The following UGT2B15 variants were observed in gnomAD, a reference collection of about 807,000 sequenced individuals.
UGT2B15 encodes the protein UDP-glucuronosyltransferase 2B15.
Under a neutral mutation model 45.9 loss-of-function variants are expected in UGT2B15, and 36 were observed. That is an observed-to-expected ratio of 0.78 (90% confidence interval 0.60 to 1.04). The LOEUF is 1.04. Among genes scored for constraint, UGT2B15 ranks in the 50% least tolerant of loss-of-function variants. The pLI is 0.00. For missense variants in UGT2B15, 617 were observed against 622.4 expected (o/e 0.99, Z 0.09); for synonymous variants, 219 against 216.4 (o/e 1.01, Z -0.11).
chr4:68,657,301 T>G (rs1005434146), intron 3 of UGT2B15, among the ~76,000 whole-genome samples: 22 of 152,154 alleles, frequency 1.4e-4, no homozygotes, highest in Non-Finnish European at 2.1e-4. Flanking sequence ...AAATTAACTT[T>G]TAAAAAAAGG....
intron 5 of UGT2B15, among the ~76,000 whole-genome samples, chr4:68,652,840 C>A (rs1404905240): frequency 4.0e-5 from 6 of 151,284 alleles, no homozygotes; most frequent in Admixed American, 6.6e-5. Context: ...TAGAAAAAGA[C>A]AAAATATTCA....
rs142948482 is a variant in UGT2B15, at chr4:68,655,149, T to A, written c.1039A>T (p.Thr347Ser). 935 of 1,613,402 alleles carry A rather than the reference T, an allele frequency of 5.8e-4. 3 individuals are homozygous for A. Among genetic ancestry groups the A allele is most frequent in the Non-Finnish European group, 7.2e-4 (845 of 1,179,578 alleles). The stretch of plus-strand genomic sequence containing the variant: ...TACAGTCGAGTATTGGAACCTAAAG[T>A]ATTTGGCTTCTTGCCATCAAATCTC... Reference protein sequence around the residue: ...LWRFDGKKPNTLGSNTRLYKW... With the variant: ...LWRFDGKKPNSLGSNTRLYKW... The change falls in exon 4 of 6, where the codon ACT becomes TCT. Residue 347 changes from threonine to serine, a missense_variant. By Grantham distance (58) the Thr-to-Ser change is moderately conservative. Transcript: ENST00000338206.
At chr4:68,656,365 C>T (rs1048474100) in intron 3 of UGT2B15, among the ~76,000 whole-genome samples, 2 of 150,100 alleles carry the variant, frequency 1.3e-5, no homozygotes, top group African/African-American at 4.9e-5. Flanking sequence ...CTTACCATTA[C>T]AGTGCTTAGT....
chr4:68,658,045 A>G (rs1299344275), intron 3 of UGT2B15, among the ~76,000 whole-genome samples: 1 of 152,082 alleles, frequency 6.6e-6, no homozygotes, highest in African/African-American at 2.4e-5. Context: ...TAATATGCAA[A>G]TGTAAGACTA....
At chr4:68,662,389 GTTT>G (rs563877748) in intron 3 of UGT2B15, among the ~76,000 whole-genome samples, 2 of 144,416 alleles carry the variant, frequency 1.4e-5, no homozygotes, top group African/African-American at 2.5e-5. Flanking sequence ...GAGCAGACAA[GTTT>G]TTTTTTTTTT....
In UGT2B15 at chr4:68,668,166, C is replaced by T; in HGVS notation, c.747G>A (p.Glu249=). ...GCCACATTTCAGCTTTCCCCATTGTCTCAAATAATGTAGTGGGTCTTCCTG... is the reference window on the plus strand; with the variant it reads ...GCCACATTTCAGCTTTCCCCATTGTTTCAAATAATGTAGTGGGTCTTCCTG... The part of the protein sequence containing the change: ...EVLGRPTTLF[E]TMGKAEMWLI... Residue 249 remains glutamate (E), a synonymous_variant, in exon 2 of 6, where the codon GAG becomes GAA. Coordinates refer to ENST00000338206, the MANE Select transcript of UGT2B15 (RefSeq NM_001076.4). 1 of 1,612,966 alleles carries T rather than the reference C, an allele frequency of 6.2e-7. No individual in the cohort carries two copies. The highest frequency in any genetic ancestry group is 8.5e-7 in the Non-Finnish European group (1 of 1,179,420).
In UGT2B15 at chr4:68,670,049, G is replaced by T; in HGVS notation, c.570C>A (p.Phe190Leu). 6.2e-7 allele frequency: 1 copy of T among 1,614,010 alleles called. No individual in the cohort carries two copies. Among genetic ancestry groups the T allele is most frequent in the African/African-American group, 1.3e-5 (1 of 75,020 alleles). ...TFEKNGGGFL[F>L]PPSYVPVVMS... is the part of the protein sequence containing the mutation. The stretch of plus-strand genomic sequence containing the variant: ...TAACAACAGGTACATAGGAAGGAGG[G>T]AACAGAAATCCTCCACCATTCTTCT... Residue 190 changes from phenylalanine (F) to leucine (L), a missense_variant, in exon 1 of 6, where the codon TTC (phenylalanine) becomes TTA (leucine). Phe to Leu is a conservative substitution (Grantham distance 22, BLOSUM62 0). Transcript: ENST00000338206.
Position 68,670,027 on chromosome 4 carries a change from C to G in UGT2B15, c.592G>C (p.Val198Leu). 1 of 1,613,996 alleles carries G rather than the reference C, an allele frequency of 6.2e-7. No homozygotes were observed. The highest frequency in any genetic ancestry group is 8.5e-7 in the Non-Finnish European group (1 of 1,179,968). ...ATTTGATCACTTAATTCTGACATAA[C>G]AACAGGTACATAGGAAGGAGGGAAC... ...FLFPPSYVPVVMSELSDQMIF... is the reference protein window; with the variant it reads ...FLFPPSYVPVLMSELSDQMIF... Residue 198 changes from valine (V) to leucine (L), a missense_variant, in exon 1 of 6, where the codon GTT becomes CTT. Transcript: ENST00000338206.
At chr4:68,666,492 CTT>C (rs988614760) in intron 2 of UGT2B15, among the ~76,000 whole-genome samples, 1 of 151,930 alleles carries the variant, frequency 6.6e-6, no homozygotes, top group Non-Finnish European at 1.5e-5. Context: ...GTGGTAACTA[CTT>C]TTTTTCCACA....
chr4:68,647,106 A>C lies in UGT2B15; in HGVS notation c.1591T>G (p.Ter531GluextTer9), dbSNP rs772536176. 1 of 1,612,386 alleles carries C rather than the reference A, an allele frequency of 6.2e-7. No individual in the cohort carries two copies. Among genetic ancestry groups the C allele is most frequent in the Non-Finnish European group, 8.5e-7 (1 of 1,178,874 alleles). The change falls in exon 6 of 6, where the codon TAG becomes GAG. Residue 531 changes from the stop codon to glutamate (E), a stop_lost. Coordinates refer to ENST00000338206, the MANE Select transcript of UGT2B15 (RefSeq NM_001076.4). ...AKKGKKKKRD[*>E] is the part of the protein sequence containing the mutation. ...TCCACTTCAGGCTTTTGATATAACTAATCTCTTTTCTTCTTCTTTCCTTTT... is the reference window on the plus strand; with the variant it reads ...TCCACTTCAGGCTTTTGATATAACTCATCTCTTTTCTTCTTCTTTCCTTTT...
intron 3 of UGT2B15, among the ~76,000 whole-genome samples, chr4:68,659,798 T>C (rs1230380021): frequency 1.3e-5 from 2 of 151,938 alleles, no homozygotes; most frequent in African/African-American, 4.8e-5. Context: ...AAGAAAAACT[T>C]TCAGGACTCA....
chr4:68,669,878 T>C lies in UGT2B15; in HGVS notation c.724+17A>G, dbSNP rs985281983. On this transcript the variant is annotated intron_variant, in intron 1 of 5. Transcript: ENST00000338206. ...AAAGTTAGAACTTAATAAGCACCAG[T>C]TAGACACATGACTTACCTAGAACTT... 4 of 1,590,206 alleles carry C rather than the reference T, an allele frequency of 2.5e-6. No individual in the cohort carries two copies. The African/African-American group carries it at 5.5e-5, about 22-fold the overall frequency.
chr4:68,653,232 A>G (rs1732706690), intron 5 of UGT2B15, among the ~76,000 whole-genome samples: 1 of 152,098 alleles, frequency 6.6e-6, no homozygotes, highest in Admixed American at 6.6e-5. Context: ...CCAAAATTGG[A>G]AAGACCTAAA....
At chr4:68,651,269 G>C (rs1301494784) in intron 5 of UGT2B15, among the ~76,000 whole-genome samples, 2 of 152,040 alleles carry the variant, frequency 1.3e-5, no homozygotes, top group Non-Finnish European at 2.9e-5. Context: ...TTCTCCTAGA[G>C]TTTTTATGGT....
Position 68,666,752 on chromosome 4 carries a change from A to ATT in UGT2B15, c.873+1286_873+1287dup, listed in dbSNP as rs775748401. Among the ~76,000 whole-genome samples, 149 of 127,854 alleles carry ATT rather than the reference A, an allele frequency of 1.2e-3. 1 individual carries two copies. The highest frequency in any genetic ancestry group is 3.2e-3 in the African/African-American group (106 of 33,372). 83.9% of individuals were successfully genotyped at this position (127,854 alleles called of 152,430 possible). ...AAATTACATATATATATATATATAT[A>ATT]TTTTTTTTTTTTGAGACAGATTCTC... On this transcript the variant is annotated intron_variant, in intron 2 of 5. Coordinates refer to ENST00000338206, the MANE Select transcript of UGT2B15 (RefSeq NM_001076.4).
At chr4:68,649,441 G>A (rs1276807557) in intron 5 of UGT2B15, among the ~76,000 whole-genome samples, 1 of 151,348 alleles carries the variant, frequency 6.6e-6, no homozygotes, top group African/African-American at 2.4e-5. Flanking sequence ...CCCTACATCT[G>A]GCTAAGTTTT....
chr4:68,670,431 A>T lies in UGT2B15; in HGVS notation c.188T>A (p.Leu63His). The T allele has an allele frequency of 6.2e-7, 1 of 1,613,874 alleles. No homozygotes were observed. Among genetic ancestry groups the T allele is most frequent in the South Asian group, 1.1e-5 (1 of 91,004 alleles). The change falls in exon 1 of 6, where the codon CTT becomes CAT. Residue 63 changes from leucine to histidine, a missense_variant. Physicochemically the swap from Leu to His is moderately conservative, Grantham distance 99 (BLOSUM62 -3). This residue lies in a region of UGT2B15 where 351 missense variants were observed against 342.1 expected (regional missense o/e 1.03). Transcript: ENST00000338206. ...AGCAGATGATTTACTGGCATTGACA[A>T]GAGTAGAAGCCGAAGATGTCAACAC... Reference protein sequence around the residue: ...VTVLTSSASTLVNASKSSAIK... With the variant: ...VTVLTSSASTHVNASKSSAIK...
chr4:68,662,043 T>C lies in UGT2B15; in HGVS notation c.1005+965A>G, dbSNP rs1241054365. 2.0e-5 allele frequency among the ~76,000 whole-genome samples: 3 copies of C among 152,078 alleles called. 1 individual carries two copies. The highest frequency in any genetic ancestry group is 4.4e-5 in the Non-Finnish European group (3 of 67,978). On this transcript the variant is annotated intron_variant, in intron 3 of 5. Transcript: ENST00000338206. ...TAAACTGGAGTAGAATTTACAAGTG[T>C]TGACCTTGTATTTGATATGGGAGTG...
chr4:68,655,304 A>C, intron 3 of UGT2B15, 122 bp from the exon 4 acceptor site: 1 of 1,219,264 alleles, frequency 8.2e-7, no homozygotes, highest in Non-Finnish European at 1.2e-6. Context: ...AAATAAGAAG[A>C]AGTGATGTCA....
Sources: allele counts gnomAD v4.1 joint callset (sites outside exome capture counted in the v4.1 genomes callset), GRCh38; gene constraint gnomAD v4.1.1; regional missense constraint gnomAD v4.1.1; transcripts MANE v1.5; gene names NCBI Gene and HGNC (gene_info 2026-07-23, HGNC 2026-07-21).